The following CNTN4 variants were observed in gnomAD, a reference collection of about 807,000 sequenced individuals.
CNTN4 encodes contactin 4.
A neutral mutation model predicts 122.5 loss-of-function variants in CNTN4; 77 were observed. That is an observed-to-expected ratio of 0.63 (90% confidence interval 0.52 to 0.76). The LOEUF (loss-of-function observed/expected upper bound fraction) is 0.76, where lower values mean the gene tolerates loss of function less well. CNTN4 is among the 30% of genes least tolerant of loss of function. CNTN4 has a pLI of 0.00. For synonymous variants in CNTN4, 512 were observed against 447.0 expected (o/e 1.15, Z -1.83); for missense variants, 1,256 against 1,259.1 (o/e 1.00, Z 0.04).
In CNTN4 at chr3:2,832,902, G is replaced by C. The variant is rs185784100; in HGVS notation, c.454+13321G>C. On this transcript the variant is annotated intron_variant, in intron 7 of 24. Transcript: ENST00000418658. ...CCAAGGCTGGGATAGAATTACAACC[G>C]ATGTGTTAAAGTCATAGAGTTAAAT... Among the ~76,000 whole-genome samples, 549 of 152,174 alleles carry C rather than the reference G, an allele frequency of 3.6e-3. 3 individuals carry two copies. Among genetic ancestry groups the C allele is most frequent in the African/African-American group, 0.013 (519 of 41,506 alleles).
chr3:2,950,003 T>C (rs1034760388), intron 13 of CNTN4, among the ~76,000 whole-genome samples: 4 of 152,218 alleles, frequency 2.6e-5, no homozygotes, highest in African/African-American at 9.7e-5. Flanking sequence ...ATATCTACAA[T>C]TTGAGGAAGG....
At chr3:2,222,806 A>T (rs563202987) in intron 2 of CNTN4, among the ~76,000 whole-genome samples, 1 of 152,172 alleles carries the variant, frequency 6.6e-6, no homozygotes, top group African/African-American at 2.4e-5. Flanking sequence ...GGAATTTGTA[A>T]GTCAGATTGT....
intron 2 of CNTN4, among the ~76,000 whole-genome samples, chr3:2,156,312 C>T (rs1559294784): frequency 6.6e-6 from 1 of 152,196 alleles, no homozygotes; most frequent in Non-Finnish European, 1.5e-5. Flanking sequence ...CTTCGATGAG[C>T]TTAGCATTCA....
chr3:2,131,628 C>A (rs990150242), intron 2 of CNTN4, among the ~76,000 whole-genome samples: 2 of 152,148 alleles, frequency 1.3e-5, no homozygotes, highest in African/African-American at 4.8e-5. Flanking sequence ...ATGTGATTCA[C>A]GTGAGACAGC....
chr3:2,909,974 C>A (rs553087876), intron 12 of CNTN4, among the ~76,000 whole-genome samples: 1 of 152,262 alleles, frequency 6.6e-6, no homozygotes, highest in South Asian at 2.1e-4. Flanking sequence ...GTCTCCCTAC[C>A]AAAACATCTG....
chr3:2,511,381 T>C (rs1267364459), intron 3 of CNTN4: 1 of 152,236 alleles, frequency 6.6e-6, no homozygotes, highest in African/African-American at 2.4e-5. Context: ...GTTAGAGATG[T>C]GTGTGATTCT....
At chr3:2,851,488 C>A (rs927322397) in intron 7 of CNTN4, among the ~76,000 whole-genome samples, 1 of 152,222 alleles carries the variant, frequency 6.6e-6, no homozygotes, top group South Asian at 2.1e-4. Context: ...ATTCTCAAAA[C>A]CCTAACACAG....
At chr3:2,645,053 G>T (rs1460388446) in intron 4 of CNTN4, among the ~76,000 whole-genome samples, 1 of 151,876 alleles carries the variant, frequency 6.6e-6, no homozygotes, top group Non-Finnish European at 1.5e-5. Flanking sequence ...TGATTAAATT[G>T]ATTGGAGAGC....
intron 13 of CNTN4, among the ~76,000 whole-genome samples, chr3:2,956,569 A>C (rs2094801493): frequency 6.6e-6 from 1 of 152,058 alleles, no homozygotes; most frequent in African/African-American, 2.4e-5. Context: ...CTTCTTTTTT[A>C]TTTTTAATAG....
intron 7 of CNTN4, among the ~76,000 whole-genome samples, chr3:2,840,438 C>A (rs950933255): frequency 5.3e-5 from 8 of 151,376 alleles, no homozygotes; most frequent in Non-Finnish European, 1.0e-4. Context: ...CGGTGGCTCA[C>A]GCCTGTCATC....
At chr3:2,543,400 G>A (rs1350180121) in intron 3 of CNTN4, among the ~76,000 whole-genome samples, 1 of 152,096 alleles carries the variant, frequency 6.6e-6, no homozygotes, top group Non-Finnish European at 1.5e-5. Flanking sequence ...GGGAGTCTAA[G>A]TGTAGTCAAG....
chr3:2,319,409 C>A (rs376216765), intron 2 of CNTN4, among the ~76,000 whole-genome samples: 11 of 152,250 alleles, frequency 7.2e-5, no homozygotes, highest in African/African-American at 2.6e-4. Flanking sequence ...CTAATACCCA[C>A]ATTTTTTAAA....
intron 7 of CNTN4, among the ~76,000 whole-genome samples, chr3:2,855,464 T>C (rs2093608172): frequency 1.3e-5 from 2 of 152,250 alleles, no homozygotes; most frequent in Non-Finnish European, 2.9e-5. Flanking sequence ...CCAAATGAGA[T>C]AATGGATATA....
intron 4 of CNTN4, among the ~76,000 whole-genome samples, chr3:2,573,186 A>G (rs1034986897): frequency 2.0e-5 from 3 of 152,160 alleles, no homozygotes; most frequent in African/African-American, 7.2e-5. Flanking sequence ...TATGGTTGCA[A>G]ATTTAGTTCT....
At chr3:2,458,367 A>AT (rs748023709) in intron 3 of CNTN4, among the ~76,000 whole-genome samples, 2 of 152,172 alleles carry the variant, frequency 1.3e-5, no homozygotes, top group Non-Finnish European at 2.9e-5. Context: ...TTTCTTGTGT[A>AT]TAACAGTCCT....
intron 6 of CNTN4, among the ~76,000 whole-genome samples, chr3:2,791,417 C>T (rs1413469069): frequency 6.6e-6 from 1 of 151,736 alleles, no homozygotes; most frequent in African/African-American, 2.4e-5. Flanking sequence ...CCTCTAGTCC[C>T]AGCTACTCAG....
At chr3:2,389,255 T>G (rs1486059342) in intron 3 of CNTN4, among the ~76,000 whole-genome samples, 1 of 115,484 alleles carries the variant, frequency 8.7e-6, no homozygotes, top group Admixed American at 8.6e-5. Context: ...CCGTGATCTA[T>G]CTTCACGTGG....
At chr3:2,495,059 A>C (rs888752127) in intron 3 of CNTN4, among the ~76,000 whole-genome samples, 5 of 152,160 alleles carry the variant, frequency 3.3e-5, no homozygotes, top group African/African-American at 1.2e-4. Context: ...TCAAAATAGG[A>C]AGATGATATT....
intron 4 of CNTN4, among the ~76,000 whole-genome samples, chr3:2,636,658 A>T (rs148307006): frequency 6.6e-6 from 1 of 152,138 alleles, no homozygotes; most frequent in East Asian, 1.9e-4. Flanking sequence ...GTGAAGTCCA[A>T]ATAAGCTTAT....
Sources: allele counts gnomAD v4.1 joint callset (sites outside exome capture counted in the v4.1 genomes callset), GRCh38; gene constraint gnomAD v4.1.1; transcripts MANE v1.5; gene names NCBI Gene and HGNC (gene_info 2026-07-23, HGNC 2026-07-21).